The following CDKAL1 variants were observed in gnomAD, a reference collection of about 807,000 sequenced individuals.
The protein encoded by CDKAL1 is CDKAL1 threonylcarbamoyladenosine tRNA methylthiotransferase.
Under a neutral mutation model 68.2 loss-of-function variants are expected in CDKAL1, and 32 were observed. That is an observed-to-expected ratio of 0.47 (90% CI 0.35 to 0.63). The LOEUF (loss-of-function observed/expected upper bound fraction) is 0.63. Among genes scored for constraint, CDKAL1 ranks in the 30% least tolerant of loss-of-function variants. CDKAL1 has a pLI of 0.00. For missense variants in CDKAL1, 606 were observed against 696.7 expected (o/e 0.87, Z 1.47); for synonymous variants, 234 against 244.3 (o/e 0.96, Z 0.39).
At chr6:20,676,072 T>TAAAATA (rs1770081216) in intron 5 of CDKAL1, among the ~76,000 whole-genome samples, 1 of 152,240 alleles carries the variant, frequency 6.6e-6, no homozygotes, top group East Asian at 1.9e-4. Context: ...GGAATAAAGA[T>TAAAATA]AAAATAAAAT....
At chr6:21,141,498 G>T (rs1008179703) in intron 13 of CDKAL1, among the ~76,000 whole-genome samples, 2 of 152,152 alleles carry the variant, frequency 1.3e-5, no homozygotes, top group African/African-American at 4.8e-5. Flanking sequence ...ATGTCCCCGC[G>T]ATTCACTCAG....
At chr6:20,729,795 A>C (rs1452082043) in intron 5 of CDKAL1, among the ~76,000 whole-genome samples, 1 of 152,206 alleles carries the variant, frequency 6.6e-6, no homozygotes, top group Non-Finnish European at 1.5e-5. Flanking sequence ...CCTGCTTCTC[A>C]AATGACCGTA....
intron 4 of CDKAL1, among the ~76,000 whole-genome samples, chr6:20,622,247 T>C (rs1381666119): frequency 6.6e-6 from 1 of 152,126 alleles, no homozygotes; most frequent in East Asian, 1.9e-4. Flanking sequence ...TGAATTGTTT[T>C]AATTCTTCCT....
intron 9 of CDKAL1, among the ~76,000 whole-genome samples, chr6:20,933,769 C>G (rs1327831416): frequency 1.3e-5 from 2 of 152,002 alleles, no homozygotes; most frequent in African/African-American, 4.8e-5. Context: ...TTTTAAGCAC[C>G]CTGAATCTTA....
intron 14 of CDKAL1, among the ~76,000 whole-genome samples, chr6:21,200,517 G>A (rs998658396): frequency 5.3e-5 from 8 of 152,326 alleles, no homozygotes; most frequent in Admixed American, 5.2e-4. Context: ...ACGCAGGCCT[G>A]TTTGAAGTGT....
chr6:20,827,036 A>G (rs1253308111), intron 8 of CDKAL1, among the ~76,000 whole-genome samples: 5 of 152,204 alleles, frequency 3.3e-5, no homozygotes, highest in Admixed American at 3.3e-4. Context: ...AAAACCAACA[A>G]TACTATGATC....
intron 12 of CDKAL1, among the ~76,000 whole-genome samples, chr6:21,091,921 G>C (rs1303830201): frequency 2.4e-5 from 3 of 126,088 alleles, no homozygotes; most frequent in Admixed American, 1.8e-4. Context: ...GAGGCTCGCT[G>C]TGTCGCCCAG....
intron 5 of CDKAL1, among the ~76,000 whole-genome samples, chr6:20,728,933 A>G (rs915950255): frequency 1.5e-4 from 23 of 152,124 alleles, no homozygotes; most frequent in African/African-American, 5.1e-4. Flanking sequence ...TTAAAAGGGC[A>G]AATTTGGATG....
At chr6:21,001,911 G>T (rs1767445214) in intron 11 of CDKAL1, among the ~76,000 whole-genome samples, 1 of 152,138 alleles carries the variant, frequency 6.6e-6, no homozygotes, top group African/African-American at 2.4e-5. Context: ...GTATAAACAT[G>T]CATCCCGGGT....
chr6:20,973,511 C>T (rs928729703), intron 10 of CDKAL1, among the ~76,000 whole-genome samples: 27 of 152,270 alleles, frequency 1.8e-4, no homozygotes, highest in African/African-American at 6.3e-4. Context: ...CTGTGAACAG[C>T]AGTAGAGGCA....
At chr6:20,756,275 A>G (rs1774166799) in intron 6 of CDKAL1, 1 of 152,252 alleles carries the variant, frequency 6.6e-6, no homozygotes, top group African/African-American at 2.4e-5. Flanking sequence ...TTCTCTAGCC[A>G]TCAAGAGCCT....
At chr6:20,655,849 T>C (rs946622470) in intron 5 of CDKAL1, among the ~76,000 whole-genome samples, 1 of 152,224 alleles carries the variant, frequency 6.6e-6, no homozygotes, top group Non-Finnish European at 1.5e-5. Flanking sequence ...AAGGGAGTTA[T>C]TAAGAGATGA....
chr6:21,227,424 G>A (rs1310998446), intron 15 of CDKAL1, among the ~76,000 whole-genome samples: 2 of 152,152 alleles, frequency 1.3e-5, no homozygotes, highest in African/African-American at 4.8e-5. Context: ...TGTCATCTGA[G>A]AAACTTTAAA....
At chr6:20,972,829 G>A (rs1765661583) in intron 10 of CDKAL1, among the ~76,000 whole-genome samples, 2 of 152,174 alleles carry the variant, frequency 1.3e-5, no homozygotes, top group African/African-American at 4.8e-5. Flanking sequence ...GCTGATTTTT[G>A]TGGAGCACTG....
intron 2 of CDKAL1, among the ~76,000 whole-genome samples, chr6:20,544,917 C>T (rs1288393943): frequency 6.6e-6 from 1 of 151,876 alleles, no homozygotes; most frequent in Non-Finnish European, 1.5e-5. Flanking sequence ...GAAGTCCAAG[C>T]TCTCCCCACT....
chr6:20,609,176 T>C (rs936018678), intron 4 of CDKAL1, among the ~76,000 whole-genome samples: 8 of 152,260 alleles, frequency 5.3e-5, no homozygotes, highest in African/African-American at 1.9e-4. Context: ...CAAGTATGTA[T>C]TTTTCGATTT....
intron 2 of CDKAL1, among the ~76,000 whole-genome samples, chr6:20,544,380 G>A (rs1381505200): frequency 6.6e-6 from 1 of 151,432 alleles, no homozygotes; most frequent in Admixed American, 6.6e-5. Context: ...GGCGGATCGC[G>A]AGGTCAGGAG....
rs1335378704 is a variant in CDKAL1 at position 20,814,683 on chromosome 6, G to T, written c.639-31392G>T. 1.3e-5 allele frequency among the ~76,000 whole-genome samples: 2 copies of T among 152,188 alleles called. 1 individual carries two copies. The highest frequency in any genetic ancestry group is 3.8e-4 in the East Asian group (2 of 5,200). On this transcript the variant is annotated intron_variant, in intron 8 of 15. Transcript: ENST00000274695. ...AAGTCAGAAGGCTTTTGCTGACTCT[G>T]CTCAATGCCCTATGTATTAGGAAAT... is the stretch of plus-strand genomic sequence containing the variant.
chr6:20,791,975 A>AAG (rs1382492629), intron 8 of CDKAL1, among the ~76,000 whole-genome samples: 2 of 150,106 alleles, frequency 1.3e-5, no homozygotes, highest in African/African-American at 4.9e-5. Flanking sequence ...CAGCCCTATC[A>AAG]AGAGAGAGAA....
Sources: gnomAD v4.1 joint callset for allele counts (sites outside exome capture counted in the v4.1 genomes callset) on GRCh38, gnomAD v4.1.1 for gene constraint, MANE v1.5 for transcripts, NCBI Gene and HGNC (gene_info 2026-07-23, HGNC 2026-07-21) for gene names.